The following TMTC2 variants were observed in gnomAD, a reference collection of about 807,000 sequenced individuals.
The protein encoded by TMTC2 is protein O-mannosyl-transferase TMTC2.
TMTC2 carries 43 observed loss-of-function variants against 82.4 expected under a neutral mutation model. The observed-to-expected ratio is 0.52, with a 90% CI of 0.41 to 0.67. The LOEUF (loss-of-function observed/expected upper bound fraction) is 0.67. Among genes scored for constraint, TMTC2 ranks in the 30% least tolerant of loss-of-function variants. The pLI, the probability that TMTC2 is intolerant of heterozygous loss-of-function variation, is 0.00. For synonymous variants in TMTC2, 408 were observed against 381.9 expected (o/e 1.07, Z -0.80); for missense variants, 919 against 1,012.4 (o/e 0.91, Z 1.25).
At chr12:82,915,518 C>G (rs1241869377) in intron 3 of TMTC2, among the ~76,000 whole-genome samples, 1 of 152,198 alleles carries the variant, frequency 6.6e-6, no homozygotes, top group Non-Finnish European at 1.5e-5. Flanking sequence ...TAGTAGGAAA[C>G]TAACCTCGGG....
At chr12:82,955,780 C>A (rs1877580792) in intron 4 of TMTC2, among the ~76,000 whole-genome samples, 1 of 152,006 alleles carries the variant, frequency 6.6e-6, no homozygotes, top group Non-Finnish European at 1.5e-5. Flanking sequence ...TGCTTAATTT[C>A]ATTGTCTGTT....
At chr12:82,800,034 G>C (rs1344077457) in intron 1 of TMTC2, among the ~76,000 whole-genome samples, 1 of 152,066 alleles carries the variant, frequency 6.6e-6, no homozygotes, top group Non-Finnish European at 1.5e-5. Flanking sequence ...GTGTTTGTAG[G>C]TATGAAGCAG....
intron 1 of TMTC2, among the ~76,000 whole-genome samples, chr12:82,727,474 G>A (rs73155492): frequency 0.016 from 2,462 of 152,108 alleles, 34 homozygotes; most frequent in Non-Finnish European, 0.028. Flanking sequence ...AAGGCTGGGC[G>A]TGGTGGCTCA....
At chr12:82,769,528 GACA>G (rs1381498543) in intron 1 of TMTC2, among the ~76,000 whole-genome samples, 1 of 152,024 alleles carries the variant, frequency 6.6e-6, no homozygotes, top group African/African-American at 2.4e-5. Flanking sequence ...GAACAATTAT[GACA>G]ACAACCTACC....
chr12:83,014,592 GC>G, intron 8 of TMTC2, among the ~76,000 whole-genome samples: 1 of 152,276 alleles, frequency 6.6e-6, no homozygotes, highest in East Asian at 1.9e-4. Flanking sequence ...GCCCCTCTCA[GC>G]CTCCCAAAGT....
At chr12:83,027,661 G>A (rs1287046067) in intron 8 of TMTC2, among the ~76,000 whole-genome samples, 2 of 152,280 alleles carry the variant, frequency 1.3e-5, no homozygotes, top group East Asian at 3.9e-4. Context: ...TAAATAAATA[G>A]TGGTCAAAGC....
chr12:82,898,672 G>A (rs560510478), intron 3 of TMTC2, among the ~76,000 whole-genome samples: 3 of 152,264 alleles, frequency 2.0e-5, no homozygotes, highest in South Asian at 4.1e-4. Context: ...TATCACATTA[G>A]CACTTCAGCT....
intron 3 of TMTC2, among the ~76,000 whole-genome samples, chr12:82,917,053 A>G (rs1188220721): frequency 6.6e-6 from 1 of 152,186 alleles, no homozygotes; most frequent in Non-Finnish European, 1.5e-5. Context: ...GTAGGCTTAC[A>G]AAGGCTCTTA....
chr12:82,809,087 T>A (rs1879372334), intron 1 of TMTC2, among the ~76,000 whole-genome samples: 1 of 148,944 alleles, frequency 6.7e-6, no homozygotes, highest in African/African-American at 2.4e-5. Context: ...TTATATAATT[T>A]ATATATTATT....
At chr12:83,061,721 A>G in intron 10 of TMTC2, 47 bp from the exon 11 acceptor site, 1 of 1,479,288 alleles carries the variant, frequency 6.8e-7, no homozygotes. Flanking sequence ...TCCTATTTGT[A>G]ATTCTAAAAT....
chr12:83,008,488 C>A (rs538301628), intron 8 of TMTC2, among the ~76,000 whole-genome samples: 4 of 152,260 alleles, frequency 2.6e-5, no homozygotes, highest in African/African-American at 9.6e-5. Context: ...GCATTCTTTA[C>A]TTTTGTTAGA....
intron 11 of TMTC2, among the ~76,000 whole-genome samples, chr12:83,073,040 T>C (rs1013619752): frequency 1.4e-5 from 2 of 144,356 alleles, no homozygotes; most frequent in African/African-American, 5.0e-5. Context: ...TTGTTGCCTG[T>C]GTACTTTGGT....
intron 8 of TMTC2, among the ~76,000 whole-genome samples, chr12:83,005,240 A>C (rs1355154327): frequency 4.7e-5 from 7 of 147,698 alleles, no homozygotes; most frequent in Non-Finnish European, 9.0e-5. Flanking sequence ...GAGAGAGAAA[A>C]GAAAAAAGGG....
intron 1 of TMTC2, among the ~76,000 whole-genome samples, chr12:82,689,082 C>T (rs760092253): frequency 6.6e-6 from 1 of 152,224 alleles, no homozygotes; most frequent in Non-Finnish European, 1.5e-5. Flanking sequence ...AACTACACAG[C>T]ATGCTCTGAG....
At chr12:83,084,354 A>G (rs1592736024) in intron 11 of TMTC2, among the ~76,000 whole-genome samples, 1 of 152,122 alleles carries the variant, frequency 6.6e-6, no homozygotes, top group Non-Finnish European at 1.5e-5. Flanking sequence ...TATCCCCCCT[A>G]TTATATTACT....
intron 10 of TMTC2, among the ~76,000 whole-genome samples, chr12:83,060,426 G>T (rs1882698532): frequency 6.6e-6 from 1 of 151,558 alleles, no homozygotes; most frequent in Non-Finnish European, 1.5e-5. Context: ...TTTAAAACTT[G>T]AATATGTTTT....
intron 1 of TMTC2, among the ~76,000 whole-genome samples, chr12:82,694,892 G>A (rs1225023673): frequency 6.6e-6 from 1 of 152,008 alleles, no homozygotes; most frequent in Admixed American, 6.6e-5. Context: ...ATTTGAAACC[G>A]AAAAATTCAC....
intron 8 of TMTC2, among the ~76,000 whole-genome samples, chr12:82,988,667 C>A (rs1436121132): frequency 6.6e-6 from 1 of 151,708 alleles, no homozygotes. Context: ...TGCAGAATAC[C>A]AGCAACACAG....
rs200991148 is a variant in TMTC2, at chr12:82,903,185, G to A, written c.1483+6539G>A. Among the ~76,000 whole-genome samples, 20 of 152,202 alleles carry A rather than the reference G, an allele frequency of 1.3e-4. No homozygotes were observed. The East Asian group carries it at 3.9e-3, about 30-fold the overall frequency. ...TGACCAATTGTTGCATTATCAGTAA[G>A]GTGCTTTATGTAAAATTGACTGCCC... On this transcript the variant is annotated intron_variant, in intron 3 of 11. Coordinates refer to ENST00000321196, the MANE Select transcript of TMTC2 (RefSeq NM_152588.3).
Sources: gnomAD v4.1 joint callset for allele counts (sites outside exome capture counted in the v4.1 genomes callset) on GRCh38, gnomAD v4.1.1 for gene constraint, MANE v1.5 for transcripts, NCBI Gene and HGNC (gene_info 2026-07-23, HGNC 2026-07-21) for gene names.